The following SLF1 variants were observed in gnomAD, a reference collection of about 807,000 sequenced individuals.
SLF1 encodes SMC5/6 complex localization factor 1, also known as SMC5-SMC6 complex localization factor protein 1.
SLF1 carries 105 observed loss-of-function variants against 123.0 expected under a neutral mutation model. That is an observed-to-expected ratio of 0.85 (90% confidence interval 0.73 to 1.00). The LOEUF (loss-of-function observed/expected upper bound fraction) is 1.00, where lower values mean the gene tolerates loss of function less well. SLF1 is among the 50% of genes least tolerant of loss of function. The probability of loss-of-function intolerance (pLI) is 0.00; values close to 1 mark genes in which losing one functional copy is unlikely to be tolerated. For missense variants in SLF1, 1,239 were observed against 1,223.0 expected (o/e 1.01, Z -0.20); for synonymous variants, 434 against 406.6 (o/e 1.07, Z -0.81).
intron 1 of SLF1, among the ~76,000 whole-genome samples, chr5:94,619,328 C>CT (rs1791406208): frequency 6.6e-6 from 1 of 151,868 alleles, no homozygotes; most frequent in Admixed American, 6.6e-5. Context: ...GATCCTATCT[C>CT]TGACTGCTAT....
At chr5:94,625,376 T>A (rs1202266663) in intron 1 of SLF1, among the ~76,000 whole-genome samples, 4 of 151,878 alleles carry the variant, frequency 2.6e-5, no homozygotes, top group South Asian at 2.1e-4. Context: ...TTTTATTTTT[T>A]AATTTTATTT....
chr5:94,638,762 G>A (rs998095354), intron 4 of SLF1, among the ~76,000 whole-genome samples: 10 of 152,136 alleles, frequency 6.6e-5, no homozygotes, highest in Non-Finnish European at 1.3e-4. Flanking sequence ...TGTGGTTTAC[G>A]CCGGTATCCC....
At chr5:94,651,037 A>G (rs1747659450) in intron 6 of SLF1, among the ~76,000 whole-genome samples, 1 of 152,236 alleles carries the variant, frequency 6.6e-6, no homozygotes, top group South Asian at 2.1e-4. Context: ...CATATATGAT[A>G]GTATCTTATA....
At chr5:94,689,911 C>T (rs1752890775) in intron 18 of SLF1, among the ~76,000 whole-genome samples, 1 of 152,090 alleles carries the variant, frequency 6.6e-6, no homozygotes, top group Admixed American at 6.6e-5. Flanking sequence ...TTTTCTATTC[C>T]ATCTCAACCT....
At chr5:94,656,987 ATTAT>A (rs1232034444) in intron 9 of SLF1, among the ~76,000 whole-genome samples, 5 of 149,070 alleles carry the variant, frequency 3.4e-5, no homozygotes, top group Non-Finnish European at 7.4e-5. Flanking sequence ...TCTGCTCTTT[ATTAT>A]TTATTTAAAA....
intron 1 of SLF1, among the ~76,000 whole-genome samples, chr5:94,621,496 TC>T (rs898917001): frequency 6.6e-6 from 1 of 152,166 alleles, no homozygotes; most frequent in Non-Finnish European, 1.5e-5. Context: ...CGTATGGTCT[TC>T]CTTCTAAGTA....
intron 5 of SLF1, among the ~76,000 whole-genome samples, chr5:94,646,094 T>A (rs1430873653): frequency 6.6e-6 from 1 of 152,080 alleles, no homozygotes; most frequent in Non-Finnish European, 1.5e-5. Context: ...ATACAAAAAA[T>A]TTTTAAAATT....
At chr5:94,627,962 T>A (rs1744729502) in intron 1 of SLF1, among the ~76,000 whole-genome samples, 1 of 150,526 alleles carries the variant, frequency 6.6e-6, no homozygotes, top group Non-Finnish European at 1.5e-5. Context: ...CCCGAGTAGC[T>A]GGGATTACAG....
intron 18 of SLF1, among the ~76,000 whole-genome samples, chr5:94,690,327 G>A (rs957878935): frequency 6.6e-6 from 1 of 152,112 alleles, no homozygotes; most frequent in African/African-American, 2.4e-5. Flanking sequence ...CATGGAAATA[G>A]TGACAGTGAA....
intron 5 of SLF1, among the ~76,000 whole-genome samples, chr5:94,648,823 T>G (rs557148756): frequency 6.6e-6 from 1 of 152,334 alleles, no homozygotes; most frequent in South Asian, 2.1e-4. Flanking sequence ...GTCATGAACT[T>G]TTACTCCCAG....
In SLF1 at chr5:94,665,667, C is replaced by T. The variant is rs575263805; in HGVS notation, c.1369-194C>T. Among the ~76,000 whole-genome samples, 56 of 152,232 alleles carry T rather than the reference C, an allele frequency of 3.7e-4. 1 individual carries two copies. The highest frequency in any genetic ancestry group is 1.2e-3 in the African/African-American group (49 of 41,542). ...ACTCAGGAGGCTGAGGCAGAAAAAT[C>T]GCTTGAACCCAGGAGGCGGAGGTTG... On this transcript the variant is annotated intron_variant, in intron 11 of 20. Coordinates refer to ENST00000265140, the MANE Select transcript of SLF1 (RefSeq NM_032290.4).
chr5:94,638,714 C>A (rs1441782459), intron 4 of SLF1, among the ~76,000 whole-genome samples: 1 of 152,144 alleles, frequency 6.6e-6, no homozygotes, highest in Non-Finnish European at 1.5e-5. Flanking sequence ...CAAAGTGAGA[C>A]CATTTGTTTT....
At position 94,695,209 on chromosome 5, in the gene SLF1, T is replaced by G. The variant is rs759371917; in HGVS notation, c.3074T>G (p.Leu1025Arg). ...IKTLQKLPHI[L>R]KELPENLKVC... ...ACATTGCAGAAACTCCCACACATTCTTAAGGAACTGCCTGAGAATTTGAAA... is the reference window on the plus strand; with the variant it reads ...ACATTGCAGAAACTCCCACACATTCGTAAGGAACTGCCTGAGAATTTGAAA... Residue 1025 changes from leucine (L) to arginine (R), a missense_variant, in exon 21 of 21, where the codon CTT becomes CGT. Leu to Arg is a moderately radical substitution (Grantham distance 102, BLOSUM62 -2). Coordinates refer to ENST00000265140, the MANE Select transcript of SLF1 (RefSeq NM_032290.4). The G allele has an allele frequency of 6.8e-6, 11 of 1,612,616 alleles. No homozygotes were observed. The highest frequency in any genetic ancestry group is 9.3e-6 in the Non-Finnish European group (11 of 1,179,044).
chr5:94,678,215 C>T (rs1188595865), intron 14 of SLF1, among the ~76,000 whole-genome samples: 5 of 152,032 alleles, frequency 3.3e-5, no homozygotes, highest in African/African-American at 4.8e-5. Context: ...CCACCGCGCC[C>T]GGCCAGTGAT....
At chr5:94,624,538 TAATC>T (rs760872047) in intron 1 of SLF1, among the ~76,000 whole-genome samples, 5 of 152,190 alleles carry the variant, frequency 3.3e-5, no homozygotes, top group South Asian at 4.1e-4. Flanking sequence ...ACCTTATTAA[TAATC>T]AAATTGTAAA....
chr5:94,656,732 T>C (rs1354617576), intron 9 of SLF1, among the ~76,000 whole-genome samples: 1 of 151,912 alleles, frequency 6.6e-6, no homozygotes, highest in Non-Finnish European at 1.5e-5. Context: ...CAGGAATTTA[T>C]CCATTTCCCC....
chr5:94,644,716 T>C (rs1746817656), intron 5 of SLF1, among the ~76,000 whole-genome samples: 1 of 152,200 alleles, frequency 6.6e-6, no homozygotes, highest in Non-Finnish European at 1.5e-5. Flanking sequence ...ATCCCCTTAC[T>C]CAGTGAGGTT....
intron 16 of SLF1, among the ~76,000 whole-genome samples, 200 bp downstream of exon 16, chr5:94,686,918 G>A (rs557719238): frequency 3.3e-5 from 5 of 152,256 alleles, no homozygotes; most frequent in Admixed American, 2.6e-4. Flanking sequence ...CTCCCGAGTA[G>A]CTGGGCTACA....
intron 1 of SLF1, among the ~76,000 whole-genome samples, chr5:94,623,557 G>A (rs1791980359): frequency 6.6e-6 from 1 of 151,028 alleles, no homozygotes; most frequent in Non-Finnish European, 1.5e-5. Context: ...CCCCCTATTA[G>A]TTCTAGAAAG....
Sources: gnomAD v4.1 joint callset for allele counts (sites outside exome capture counted in the v4.1 genomes callset) on GRCh38, gnomAD v4.1.1 for gene constraint, MANE v1.5 for transcripts, NCBI Gene and HGNC (gene_info 2026-07-23, HGNC 2026-07-21) for gene names.